Variants in NLGN1 observed in about 807,000 individuals in gnomAD.
The protein encoded by NLGN1 is neuroligin-1.
A neutral mutation model predicts 65.5 loss-of-function variants in NLGN1; 12 were observed. That is an observed-to-expected ratio of 0.18 (90% CI 0.12 to 0.30). NLGN1 has a LOEUF of 0.30. Among genes scored for constraint, NLGN1 ranks in the 10% least tolerant of loss-of-function variants. The probability of loss-of-function intolerance (pLI) is 1.00; values close to 1 mark genes in which losing one functional copy is unlikely to be tolerated. For missense variants in NLGN1, 750 were observed against 1,007.1 expected, an observed-to-expected ratio of 0.74 and a Z score of 3.46; for synonymous variants, 350 against 359.5, an observed-to-expected ratio of 0.97 and a Z score of 0.30.
intron 4 of NLGN1, among the ~76,000 whole-genome samples, chr3:174,192,472 AT>A (rs1418052583): frequency 6.6e-6 from 1 of 152,188 alleles, no homozygotes; most frequent in African/African-American, 2.4e-5. Context: ...TTACTCATAA[AT>A]TTTGTTTTCA....
intron 1 of NLGN1, among the ~76,000 whole-genome samples, chr3:173,419,460 T>G (rs1381298924): frequency 6.6e-6 from 1 of 152,082 alleles, no homozygotes; most frequent in Non-Finnish European, 1.5e-5. Flanking sequence ...CGGAGATTTT[T>G]TTTTGTTTAT....
At chr3:174,210,907 C>A (rs1284880764) in intron 4 of NLGN1, among the ~76,000 whole-genome samples, 1 of 152,264 alleles carries the variant, frequency 6.6e-6, no homozygotes, top group Non-Finnish European at 1.5e-5. Context: ...GTATTCAGTA[C>A]AATAACATGC....
At chr3:174,085,490 G>T (rs1225376961) in intron 4 of NLGN1, among the ~76,000 whole-genome samples, 1 of 151,710 alleles carries the variant, frequency 6.6e-6, no homozygotes, top group Non-Finnish European at 1.5e-5. Flanking sequence ...TCCTTTCCTG[G>T]TACTCCAAAC....
chr3:173,687,810 CCAGA>C (rs1248082833), intron 3 of NLGN1, among the ~76,000 whole-genome samples: 1 of 152,090 alleles, frequency 6.6e-6, no homozygotes, highest in Non-Finnish European at 1.5e-5. Context: ...GCAAGTATTT[CCAGA>C]CAATCAATGA....
At chr3:174,073,043 G>A (rs762542841) in intron 4 of NLGN1, among the ~76,000 whole-genome samples, 1 of 151,886 alleles carries the variant, frequency 6.6e-6, no homozygotes, top group Non-Finnish European at 1.5e-5. Flanking sequence ...AATATCAAAT[G>A]GCTTCATTAC....
chr3:173,918,660 ATGTGTGTGTGTGTG>A (rs71162369), intron 4 of NLGN1, among the ~76,000 whole-genome samples: 17 of 111,808 alleles, frequency 1.5e-4, no homozygotes, highest in East Asian at 8.0e-4. Context: ...AGAAATACAT[ATGTGTGTGTGTGTG>A]TGTGTGTGTG....
intron 3 of NLGN1, among the ~76,000 whole-genome samples, chr3:173,638,311 G>A (rs866882764): frequency 6.6e-6 from 1 of 150,630 alleles, no homozygotes; most frequent in African/African-American, 2.4e-5. Context: ...TGAGTTTGAT[G>A]GTTCAGTCAA....
chr3:174,058,285 T>C (rs1736606248), intron 4 of NLGN1, among the ~76,000 whole-genome samples: 1 of 152,150 alleles, frequency 6.6e-6, no homozygotes, highest in African/African-American at 2.4e-5. Context: ...CATTTGCTTG[T>C]ACATTGTTTT....
intron 4 of NLGN1, among the ~76,000 whole-genome samples, chr3:174,195,088 C>T (rs867846303): frequency 6.6e-6 from 1 of 151,924 alleles, no homozygotes; most frequent in African/African-American, 2.4e-5. Flanking sequence ...CTCGAACTCC[C>T]GACCTCAGGT....
chr3:174,132,152 T>C (rs547314142), intron 4 of NLGN1, among the ~76,000 whole-genome samples: 1 of 152,340 alleles, frequency 6.6e-6, no homozygotes, highest in Admixed American at 6.5e-5. Context: ...TTTATAAAAA[T>C]GAGAGTTTGC....
intron 3 of NLGN1, among the ~76,000 whole-genome samples, chr3:173,672,722 C>T (rs1469239039): frequency 6.6e-6 from 1 of 152,208 alleles, no homozygotes; most frequent in Non-Finnish European, 1.5e-5. Context: ...TTACCTCATT[C>T]AAGCCTTAAT....
At chr3:174,242,251 A>T (rs1038709424) in intron 4 of NLGN1, among the ~76,000 whole-genome samples, 3 of 151,912 alleles carry the variant, frequency 2.0e-5, no homozygotes, top group Non-Finnish European at 4.4e-5. Context: ...CCCATCCCCC[A>T]GGCCATGGAC....
chr3:173,534,108 T>C (rs1190789723), intron 2 of NLGN1, among the ~76,000 whole-genome samples: 1 of 152,152 alleles, frequency 6.6e-6, no homozygotes, highest in Non-Finnish European at 1.5e-5. Context: ...ATCAGGAAAA[T>C]GGGGATAATG....
At chr3:173,853,200 A>G (rs1228084075) in intron 4 of NLGN1, among the ~76,000 whole-genome samples, 1 of 152,192 alleles carries the variant, frequency 6.6e-6, no homozygotes, top group Non-Finnish European at 1.5e-5. Flanking sequence ...CAGACAGGAT[A>G]ATGACAAATG....
At chr3:173,876,300 C>T (rs9858151) in intron 4 of NLGN1, among the ~76,000 whole-genome samples, 2,660 of 151,854 alleles carry the variant, frequency 0.018, 59 homozygotes, top group Middle Eastern at 0.065. Flanking sequence ...ACTTAACCAC[C>T]GAATATTTAT....
At chr3:174,223,289 T>G (rs1336444000) in intron 4 of NLGN1, among the ~76,000 whole-genome samples, 1 of 152,182 alleles carries the variant, frequency 6.6e-6, no homozygotes, top group Non-Finnish European at 1.5e-5. Flanking sequence ...ATTCTTACTC[T>G]GATTAATGTC....
chr3:173,800,530 AATTAAT>A, intron 3 of NLGN1, among the ~76,000 whole-genome samples: 1 of 151,382 alleles, frequency 6.6e-6, no homozygotes, highest in Non-Finnish European at 1.5e-5. Context: ...TTTTTTAAAA[AATTAAT>A]ATTAAGTTTT....
intron 4 of NLGN1, among the ~76,000 whole-genome samples, chr3:173,956,213 T>G (rs1711997364): frequency 6.6e-6 from 1 of 152,124 alleles, no homozygotes; most frequent in South Asian, 2.1e-4. Context: ...AGGGACTTAT[T>G]TAAGGTTACA....
At chr3:173,732,366 G>A (rs1053189497) in intron 3 of NLGN1, among the ~76,000 whole-genome samples, 2 of 152,246 alleles carry the variant, frequency 1.3e-5, no homozygotes, top group Non-Finnish European at 2.9e-5. Context: ...CAAACACTGT[G>A]ATGCTTTAGC....
Sources: gnomAD v4.1 joint callset for allele counts (sites outside exome capture counted in the v4.1 genomes callset) on GRCh38, gnomAD v4.1.1 for gene constraint, MANE v1.5 for transcripts, NCBI Gene and HGNC (gene_info 2026-07-23, HGNC 2026-07-21) for gene names.